Variants in SOX5 observed in about 807,000 individuals in gnomAD.
SOX5 encodes the protein transcription factor SOX-5.
Under a neutral mutation model 92.0 loss-of-function variants are expected in SOX5, and 9 were observed. The ratio of observed to expected loss-of-function variants is 0.10; its 90% CI spans 0.06 to 0.17. SOX5 has a LOEUF of 0.17. Ranked by LOEUF, SOX5 falls within the 10% of genes least tolerant of loss-of-function variation. SOX5 has a pLI of 1.00. For missense variants in SOX5, 642 were observed against 944.5 expected, an observed-to-expected ratio of 0.68 and a Z score of 4.20; for synonymous variants, 344 against 336.3, an observed-to-expected ratio of 1.02 and a Z score of -0.25.
chr12:23,740,886 G>A lies in SOX5; in HGVS notation c.722C>T (p.Ala241Val). 1 of 1,611,524 alleles carries A rather than the reference G, an allele frequency of 6.2e-7. No homozygotes were observed. Reference protein sequence around the residue: ...IEKQRQQMELAKQQQEQIARQ... With the variant: ...IEKQRQQMELVKQQQEQIARQ... The stretch of plus-strand genomic sequence containing the variant: ...ACTCACTTGTTCTTGTTGCTGCTTG[G>A]CCAGCTCCATTTGCTGACGCTGTTT... Residue 241 changes from alanine (A) to valine (V), a missense_variant, in exon 5 of 15, where the codon GCC (alanine) becomes GTC (valine). By Grantham distance (64) the Ala-to-Val change is moderately conservative (BLOSUM62 0). Around this residue, in one of 8 missense-constraint regions of SOX5, gnomAD observed 324 missense variants for 461.6 expected, o/e 0.70. Transcript: ENST00000451604.
chr12:24,008,947 T>G (rs927968168), intron 4 of SOX5, among the ~76,000 whole-genome samples: 2 of 152,194 alleles, frequency 1.3e-5, no homozygotes, highest in Non-Finnish European at 2.9e-5. Context: ...TCTTGCAGCT[T>G]TTACCAATGT....
intron 4 of SOX5, among the ~76,000 whole-genome samples, chr12:23,960,616 C>T (rs1157284819): frequency 2.0e-5 from 3 of 146,702 alleles, no homozygotes; most frequent in South Asian, 2.2e-4. Context: ...TACAACAACA[C>T]GATGGAATAC....
chr12:24,348,701 A>C (rs1392545209), intron 2 of SOX5, among the ~76,000 whole-genome samples: 1 of 151,946 alleles, frequency 6.6e-6, no homozygotes, highest in East Asian at 1.9e-4. Context: ...TTGACTTCTG[A>C]TATGCTTTGG....
At chr12:23,842,674 A>G (rs910846840) in intron 3 of SOX5, among the ~76,000 whole-genome samples, 11 of 152,208 alleles carry the variant, frequency 7.2e-5, no homozygotes, top group African/African-American at 2.7e-4. Flanking sequence ...ACTAATAATA[A>G]CAATCATTAC....
chr12:23,741,659 G>C (rs34043702), intron 4 of SOX5, among the ~76,000 whole-genome samples: 11,885 of 152,140 alleles, frequency 0.078, 1,550 homozygotes, highest in African/African-American at 0.27. Context: ...GTTTTAGAGC[G>C]TATTCCCCAT....
chr12:23,809,694 G>GTGTAAGGT (rs2095843369), intron 3 of SOX5, among the ~76,000 whole-genome samples: 1 of 147,066 alleles, frequency 6.8e-6, no homozygotes, highest in African/African-American at 2.5e-5. Flanking sequence ...CTTTTTTAAT[G>GTGTAAGGT]TGTAAGGTTA....
At position 24,553,426 on chromosome 12, in the gene SOX5, G is replaced by C. The variant is rs190324911; in HGVS notation, c.-251+8903C>G. On this transcript the variant is annotated intron_variant, in intron 1 of 4. Transcript: ENST00000446891. ...CACAGTAAACACTCAAGAGCTGTTC[G>C]TTTTCCTACTTCCCCATCGTGCAGG... is the stretch of plus-strand genomic sequence containing the variant. 2.5e-3 allele frequency among the ~76,000 whole-genome samples: 384 copies of C among 152,224 alleles called. 2 individuals are homozygous for C. The highest frequency in any genetic ancestry group is 4.6e-3 in the Non-Finnish European group (313 of 68,012).
At chr12:23,755,283 CA>C (rs1400515128) in intron 4 of SOX5, among the ~76,000 whole-genome samples, 1 of 151,620 alleles carries the variant, frequency 6.6e-6, no homozygotes. Flanking sequence ...GTACAATGTA[CA>C]AAATCTTATA....
chr12:23,954,880 G>A (rs1277740067), upstream of SOX5, among the ~76,000 whole-genome samples: 1 of 151,948 alleles, frequency 6.6e-6, no homozygotes, highest in Non-Finnish European at 1.5e-5. Flanking sequence ...TCCAGTAACT[G>A]CTTTCACTGT....
intron 2 of SOX5, among the ~76,000 whole-genome samples, chr12:24,327,134 T>G (rs1204073659): frequency 6.6e-6 from 1 of 152,188 alleles, no homozygotes; most frequent in Non-Finnish European, 1.5e-5. Flanking sequence ...AAAAATTACG[T>G]GATGATTAAG....
At chr12:23,538,910 C>T (rs1429924263) in intron 13 of SOX5, among the ~76,000 whole-genome samples, 1 of 150,340 alleles carries the variant, frequency 6.7e-6, no homozygotes, top group African/African-American at 2.5e-5. Context: ...ACGCCATTCT[C>T]CTGCCTCAGC....
At chr12:23,994,632 A>T (rs1950868208) in intron 4 of SOX5, among the ~76,000 whole-genome samples, 1 of 152,112 alleles carries the variant, frequency 6.6e-6, no homozygotes, top group African/African-American at 2.4e-5. Flanking sequence ...GAGAAAACTC[A>T]CACATGAGCA....
intron 1 of SOX5, among the ~76,000 whole-genome samples, chr12:24,451,830 G>A (rs1942354746): frequency 6.6e-6 from 1 of 152,134 alleles, no homozygotes; most frequent in Non-Finnish European, 1.5e-5. Context: ...GAATAAGAAT[G>A]GCATGATGCC....
chr12:23,970,616 T>C (rs1948112684), intron 4 of SOX5, among the ~76,000 whole-genome samples: 1 of 151,362 alleles, frequency 6.6e-6, no homozygotes. Flanking sequence ...TAGTAACATG[T>C]ATAATTGTTT....
At chr12:24,277,956 A>T (rs994325383) in intron 2 of SOX5, among the ~76,000 whole-genome samples, 1 of 152,176 alleles carries the variant, frequency 6.6e-6, no homozygotes, top group African/African-American at 2.4e-5. Context: ...TCTTGCCACT[A>T]TCATGAGTGA....
rs1292748865 is a variant in SOX5 at position 24,380,889 on chromosome 12, AAC to A, written c.-250-12252_-250-12251del. 2.6e-5 allele frequency among the ~76,000 whole-genome samples: 4 copies of A among 152,350 alleles called. No individual in the cohort carries two copies. The East Asian group carries it at 7.7e-4, about 29-fold the overall frequency. ...TTTTGTATTTCTAACTGTATTCTGC[AAC>A]AGTCAGCTAATCAGAAAAAGAAGTC... On this transcript the variant is annotated intron_variant, in intron 1 of 4. Transcript: ENST00000446891.
At chr12:24,540,809 C>A (rs1952054108) in intron 1 of SOX5, among the ~76,000 whole-genome samples, 1 of 151,982 alleles carries the variant, frequency 6.6e-6, no homozygotes, top group South Asian at 2.1e-4. Context: ...TCGTTGTTTT[C>A]AAAAATCAAA....
At chr12:23,707,231 C>A (rs1277305879) in intron 6 of SOX5, among the ~76,000 whole-genome samples, 1 of 152,166 alleles carries the variant, frequency 6.6e-6, no homozygotes, top group Non-Finnish European at 1.5e-5. Flanking sequence ...CCATTCATGG[C>A]TGATTGGGAG....
At chr12:23,934,870 G>C (rs551251734) in intron 1 of SOX5, among the ~76,000 whole-genome samples, 9 of 151,324 alleles carry the variant, frequency 5.9e-5, no homozygotes, top group African/African-American at 2.2e-4. Context: ...AAATCGCAAA[G>C]ATCACAGAAC....
Sources: gnomAD v4.1 joint callset for allele counts (sites outside exome capture counted in the v4.1 genomes callset) on GRCh38, gnomAD v4.1.1 for gene constraint, gnomAD v4.1.1 regional missense constraint, MANE v1.5 for transcripts, NCBI Gene and HGNC (gene_info 2026-07-23, HGNC 2026-07-21) for gene names.